CCDC178: variants seen among roughly 807,000 people sequenced by gnomAD.
CCDC178 encodes coiled-coil domain containing 178, also known as coiled-coil domain-containing protein 178.
In CCDC178, 126 loss-of-function variants were observed where a neutral mutation model predicts 117.4. The observed-to-expected ratio is 1.07, with a 90% CI of 0.93 to 1.24. The LOEUF (loss-of-function observed/expected upper bound fraction) is 1.24. Among genes scored for constraint, CCDC178 ranks in the 50% most tolerant of loss-of-function variants. The pLI, the probability that CCDC178 is intolerant of heterozygous loss-of-function variation, is 0.00. For synonymous variants in CCDC178, 283 were observed against 313.4 expected (o/e 0.90, Z 1.02); for missense variants, 1,030 against 986.9 (o/e 1.04, Z -0.59).
chr18:33,430,216 T>C (rs1031639067), intron 2 of CCDC178, among the ~76,000 whole-genome samples: 1 of 152,150 alleles, frequency 6.6e-6, no homozygotes, highest in Non-Finnish European at 1.5e-5. Flanking sequence ...ATAATAAAAC[T>C]ATTTGGAGCT....
intron 14 of CCDC178, among the ~76,000 whole-genome samples, chr18:33,247,650 T>C (rs1436809896): frequency 6.6e-6 from 1 of 151,924 alleles, no homozygotes; most frequent in Non-Finnish European, 1.5e-5. Flanking sequence ...CTTTTGAGTC[T>C]ATGGGTACTT....
In CCDC178 at chr18:32,992,462, T is replaced by C. The variant is rs557556082; in HGVS notation, c.2389-17781A>G. ...GTTTAAAAGATGCTTTGAAAGTAAG[T>C]AAAAAAAAGTGACAAGGTGGCAACT... On this transcript the variant is annotated intron_variant, in intron 21 of 22. Coordinates refer to ENST00000383096, the MANE Select transcript of CCDC178 (RefSeq NM_001105528.4). Among the ~76,000 whole-genome samples the C allele has an allele frequency of 1.4e-4, 22 of 151,888 alleles. No individual in the cohort carries two copies. The South Asian group carries it at 4.4e-3, about 30-fold the overall frequency.
At chr18:33,315,495 T>C (rs1340226569) in intron 11 of CCDC178, among the ~76,000 whole-genome samples, 1 of 152,166 alleles carries the variant, frequency 6.6e-6, no homozygotes, top group Non-Finnish European at 1.5e-5. Flanking sequence ...CTTATCTTGA[T>C]CTTCAGGCTC....
chr18:33,107,573 T>C (rs1176892455), intron 20 of CCDC178, among the ~76,000 whole-genome samples: 1 of 151,728 alleles, frequency 6.6e-6, no homozygotes, highest in African/African-American at 2.4e-5. Flanking sequence ...CCAGCTCTTA[T>C]GGATTATCTT....
chr18:33,027,606 T>G (rs1027523842), intron 21 of CCDC178, among the ~76,000 whole-genome samples: 1 of 151,764 alleles, frequency 6.6e-6, no homozygotes, highest in East Asian at 1.9e-4. Context: ...TTGAGTTCAT[T>G]TTAAATTTTA....
At chr18:33,105,159 A>G (rs2057687870) in intron 20 of CCDC178, among the ~76,000 whole-genome samples, 1 of 151,690 alleles carries the variant, frequency 6.6e-6, no homozygotes. Context: ...ATTGATACTA[A>G]ATATTGTGCA....
chr18:33,135,536 A>C (rs2058114486), intron 20 of CCDC178, among the ~76,000 whole-genome samples: 1 of 152,194 alleles, frequency 6.6e-6, no homozygotes, highest in Admixed American at 6.5e-5. Flanking sequence ...ATTACATAGA[A>C]ATATATACAG....
chr18:33,072,222 A>G (rs1031096854), intron 21 of CCDC178, among the ~76,000 whole-genome samples: 7 of 152,112 alleles, frequency 4.6e-5, no homozygotes, highest in African/African-American at 1.7e-4. Flanking sequence ...ATTAATTTTT[A>G]AATTAGGCAT....
chr18:33,242,746 T>C (rs1398696422), intron 15 of CCDC178, among the ~76,000 whole-genome samples: 1 of 151,706 alleles, frequency 6.6e-6, no homozygotes. Context: ...TATACAAATA[T>C]GAAAAAATAA....
intron 14 of CCDC178, among the ~76,000 whole-genome samples, chr18:33,253,904 A>G (rs942037827): frequency 6.6e-6 from 1 of 151,938 alleles, no homozygotes; most frequent in Non-Finnish European, 1.5e-5. Context: ...AGTTGTAATC[A>G]AGATTAAATA....
chr18:33,402,497 A>T (rs1005198443), intron 3 of CCDC178, among the ~76,000 whole-genome samples: 1 of 152,218 alleles, frequency 6.6e-6, no homozygotes, highest in African/African-American at 2.4e-5. Flanking sequence ...AAGAACTGTC[A>T]TTTTTAGAAA....
intron 21 of CCDC178, among the ~76,000 whole-genome samples, chr18:32,993,227 G>A (rs2055431630): frequency 6.6e-6 from 1 of 152,086 alleles, no homozygotes; most frequent in African/African-American, 2.4e-5. Flanking sequence ...GACTCTGAAG[G>A]TGGGAGCTCA....
At chr18:33,090,513 C>T (rs2057447674) in intron 21 of CCDC178, among the ~76,000 whole-genome samples, 1 of 152,234 alleles carries the variant, frequency 6.6e-6, no homozygotes, top group South Asian at 2.1e-4. Flanking sequence ...GGAAATGCTG[C>T]AATATCAAGG....
At chr18:33,002,769 T>G (rs2055665697) in intron 21 of CCDC178, among the ~76,000 whole-genome samples, 4 of 151,246 alleles carry the variant, frequency 2.6e-5, no homozygotes, top group African/African-American at 9.7e-5. Flanking sequence ...TAAATAAAAT[T>G]GACAAACCTT....
chr18:33,303,589 G>A (rs967745941), intron 11 of CCDC178, among the ~76,000 whole-genome samples: 7 of 151,866 alleles, frequency 4.6e-5, no homozygotes, highest in Admixed American at 6.6e-5. Flanking sequence ...TATGGGGGAT[G>A]AGGAGAAGGG....
chr18:33,207,976 A>T (rs1381604176), intron 20 of CCDC178, among the ~76,000 whole-genome samples: 1 of 152,048 alleles, frequency 6.6e-6, no homozygotes, highest in East Asian at 1.9e-4. Context: ...TGATCATTGA[A>T]GCACCGGATC....
At chr18:33,120,113 A>G (rs1448672941) in intron 20 of CCDC178, among the ~76,000 whole-genome samples, 4 of 152,100 alleles carry the variant, frequency 2.6e-5, no homozygotes, top group African/African-American at 4.8e-5. Flanking sequence ...GCAGCCCACC[A>G]ACATGGCACA....
chr18:33,402,243 A>T (rs1568203923), intron 3 of CCDC178, among the ~76,000 whole-genome samples: 1 of 152,246 alleles, frequency 6.6e-6, no homozygotes, highest in Non-Finnish European at 1.5e-5. Flanking sequence ...AAAAAGGCGA[A>T]ATTGTCAAAA....
intron 21 of CCDC178, among the ~76,000 whole-genome samples, chr18:33,067,102 A>G (rs1445554248): frequency 6.6e-6 from 1 of 152,256 alleles, no homozygotes; most frequent in Non-Finnish European, 1.5e-5. Context: ...CATATGTTAC[A>G]TCACAAAAAA....
Sources: gnomAD v4.1 joint callset for allele counts (sites outside exome capture counted in the v4.1 genomes callset) on GRCh38, gnomAD v4.1.1 for gene constraint, MANE v1.5 for transcripts, NCBI Gene and HGNC (gene_info 2026-07-23, HGNC 2026-07-21) for gene names.